Variants in LPA observed in about 807,000 individuals in gnomAD.
The protein encoded by LPA is apolipoprotein(a).
A neutral mutation model predicts 197.9 loss-of-function variants in LPA; 199 were observed. The ratio of observed to expected loss-of-function variants is 1.01; its 90% CI spans 0.90 to 1.13. The LOEUF (loss-of-function observed/expected upper bound fraction) is 1.13. LPA is among the 50% of genes most tolerant of loss of function. The probability of loss-of-function intolerance (pLI) is 0.00; values close to 1 mark genes in which losing one functional copy is unlikely to be tolerated. For missense variants in LPA, 1,853 were observed against 1,785.8 expected (o/e 1.04, Z -0.68); for synonymous variants, 715 against 639.5 (o/e 1.12, Z -1.78).
At chr6:160,586,233 TC>T (rs1778907208) in intron 25 of LPA, among the ~76,000 whole-genome samples, 1 of 152,028 alleles carries the variant, frequency 6.6e-6, no homozygotes, top group Non-Finnish European at 1.5e-5. Flanking sequence ...TCCTAGAGGG[TC>T]TGTGCCCCTT....
rs116095335 is a variant in LPA, at chr6:160,552,546, T to G, written c.4973+3479A>C. On this transcript the variant is annotated intron_variant, in intron 30 of 38. Coordinates refer to ENST00000316300, the MANE Select transcript of LPA (RefSeq NM_005577.4). ...TTTAATTTTCCAAAGGATCATAGCA[T>G]GTATACAGAAAAAGTTTTTGCACAT... Among the ~76,000 whole-genome samples the G allele has an allele frequency of 7.4e-3, 1,132 of 152,336 alleles. 12 individuals carry two copies. Among genetic ancestry groups the G allele is most frequent in the African/African-American group, 0.026 (1,095 of 41,580 alleles).
chr6:160,596,632 T>A (rs764876447), intron 20 of LPA, among the ~76,000 whole-genome samples: 1 of 152,174 alleles, frequency 6.6e-6, no homozygotes, highest in Non-Finnish European at 1.5e-5. Flanking sequence ...AAAACTCCCC[T>A]CTTCTCTTGT....
intron 37 of LPA, 79 bp downstream of exon 37, chr6:160,537,772 CAACT>C: frequency 1.5e-6 from 2 of 1,296,178 alleles, no homozygotes; most frequent in Non-Finnish European, 2.2e-6. Context: ...GGAATTTGTA[CAACT>C]ATCTCCAAAA....
intron 1 of LPA, among the ~76,000 whole-genome samples, chr6:160,657,397 AC>A (rs1430748794): frequency 1.9e-5 from 2 of 107,764 alleles, no homozygotes; most frequent in African/African-American, 3.8e-5. Flanking sequence ...AACTATTATA[AC>A]TTTTTTTTTT....
intron 37 of LPA, among the ~76,000 whole-genome samples, chr6:160,537,058 C>G (rs1253409793): frequency 6.6e-6 from 1 of 152,102 alleles, no homozygotes; most frequent in African/African-American, 2.4e-5. Context: ...TTCCAGGGCC[C>G]CAGACTCCCA....
At chr6:160,601,165 C>T (rs1164627593) in intron 18 of LPA, 67 bp from the exon 19 acceptor site, 1 of 1,461,120 alleles carries the variant, frequency 6.8e-7, no homozygotes, top group Non-Finnish European at 9.6e-7. Flanking sequence ...GTATATTTTG[C>T]TACAACAAGG....
chr6:160,593,049 C>T (rs112116241), intron 22 of LPA, among the ~76,000 whole-genome samples: 23 of 152,248 alleles, frequency 1.5e-4, no homozygotes, highest in African/African-American at 1.2e-4. Context: ...GAGAAGACTT[C>T]GGTGTGTATT....
chr6:160,576,977 C>T (rs938913191), intron 28 of LPA, among the ~76,000 whole-genome samples, 159 bp downstream of exon 28: 1 of 152,104 alleles, frequency 6.6e-6, no homozygotes. Flanking sequence ...AATTTCTCTT[C>T]TCTTAGACTC....
intron 28 of LPA, among the ~76,000 whole-genome samples, chr6:160,557,849 G>A (rs886147796): frequency 4.6e-5 from 7 of 151,650 alleles, no homozygotes; most frequent in East Asian, 1.9e-4. Context: ...AGAAAAATTC[G>A]GAATATCTTC....
At chr6:160,586,707 T>C in intron 24 of LPA, 77 bp from the exon 25 acceptor site, 5 of 1,600,018 alleles carry the variant, frequency 3.1e-6, no homozygotes, top group African/African-American at 1.3e-5. Context: ...TATGTTTTCT[T>C]GTAACAAAGT....
chr6:160,606,750 A>G (rs1779363328), intron 16 of LPA, 92 bp from the exon 17 acceptor site: 1 of 1,534,064 alleles, frequency 6.5e-7, no homozygotes, highest in South Asian at 1.1e-5. Flanking sequence ...CAAGGTCATT[A>G]CCAGTGCCTT....
intron 28 of LPA, among the ~76,000 whole-genome samples, chr6:160,574,241 C>T (rs1489507475): frequency 3.9e-5 from 6 of 151,900 alleles, no homozygotes; most frequent in Admixed American, 2.0e-4. Flanking sequence ...GTCTTACTCC[C>T]ACCATGCCCC....
At chr6:160,570,945 G>T (rs898233142) in intron 28 of LPA, among the ~76,000 whole-genome samples, 4 of 152,114 alleles carry the variant, frequency 2.6e-5, no homozygotes, top group Non-Finnish European at 4.4e-5. Context: ...AGTTCTCCTG[G>T]ATAATATCCT....
intron 30 of LPA, among the ~76,000 whole-genome samples, chr6:160,555,287 A>AATATAATATAATAT (rs1778238662): frequency 9.3e-6 from 1 of 107,186 alleles, no homozygotes; most frequent in Admixed American, 9.9e-5. Context: ...ATATTATATT[A>AATATAATATAATAT]TATGTTAGTG....
At chr6:160,647,549 G>T (rs1362318606) in intron 2 of LPA, among the ~76,000 whole-genome samples, 3 of 152,116 alleles carry the variant, frequency 2.0e-5, no homozygotes, top group East Asian at 1.9e-4. Context: ...GCTCTTTAAA[G>T]ACTTTTTTTT....
chr6:160,650,498 C>G lies in LPA; in HGVS notation c.50-1G>C, dbSNP rs1163460477. On this transcript the variant is annotated splice_acceptor_variant, in intron 1 of 38. Coordinates refer to ENST00000316300, the MANE Select transcript of LPA (RefSeq NM_005577.4). LOFTEE classifies it high-confidence loss of function. ...ACCACATGGCTTTGCTCAGGTGCTG[C>G]TAAAATTAAAACAGAAGAAATCAAG... 1 of 1,613,104 alleles carries G rather than the reference C, an allele frequency of 6.2e-7. No individual in the cohort carries two copies. The highest frequency in any genetic ancestry group is 8.5e-7 in the Non-Finnish European group (1 of 1,179,462).
At chr6:160,582,338 G>T (rs374150620) in intron 26 of LPA, among the ~76,000 whole-genome samples, 1 of 151,524 alleles carries the variant, frequency 6.6e-6, no homozygotes, top group Non-Finnish European at 1.5e-5. Flanking sequence ...CACTCTGAAG[G>T]CGTTATTCTG....
In LPA at chr6:160,547,863, A is replaced by T. The variant is rs1312919278; in HGVS notation, c.5230T>A (p.Trp1744Arg). The T allele has an allele frequency of 6.2e-7, 1 of 1,614,110 alleles. No homozygotes were observed. Residue 1744 changes from tryptophan to arginine, a missense_variant, in exon 32 of 39, where the codon TGG becomes AGG. Transcript: ENST00000316300. ...TTVTGTPCQE[W>R]AAQEPHRHST... ...TGTCTATGGGGCTCCTGGGCAGCCC[A>T]TTCCTGGCATGGCGTCCCAGTAACA...
chr6:160,564,566 C>T (rs1257353261), intron 28 of LPA, among the ~76,000 whole-genome samples: 3 of 152,106 alleles, frequency 2.0e-5, no homozygotes, highest in South Asian at 2.1e-4. Context: ...AGCTCCAGTC[C>T]ACAGTTCCCA....
Sources: gnomAD v4.1 joint callset for allele counts (sites outside exome capture counted in the v4.1 genomes callset) on GRCh38, gnomAD v4.1.1 for gene constraint, MANE v1.5 for transcripts, NCBI Gene and HGNC (gene_info 2026-07-23, HGNC 2026-07-21) for gene names.